The following LGSN variants were observed in gnomAD, a reference collection of about 807,000 sequenced individuals.
The protein encoded by LGSN is lengsin.
A neutral mutation model predicts 19.5 loss-of-function variants in LGSN; 21 were observed. The ratio of observed to expected loss-of-function variants is 1.07; its 90% confidence interval spans 0.76 to 1.55. LGSN has a LOEUF of 1.55. Ranked by LOEUF, LGSN falls within the 40% of genes most tolerant of loss-of-function variation. LGSN has a pLI of 0.00. For synonymous variants in LGSN, 257 were observed against 215.6 expected, an observed-to-expected ratio of 1.19 and a Z score of -1.68; for missense variants, 673 against 608.5, an observed-to-expected ratio of 1.11 and a Z score of -1.12.
At chr6:63,328,446 G>C in the LGSN span, among the ~76,000 whole-genome samples, 2 of 152,190 alleles carry the variant, frequency 1.3e-5, no homozygotes, top group Non-Finnish European at 2.9e-5. Flanking sequence ...TTGTCTGATA[G>C]CCATAAACTT....
chr6:63,520,312 AG>A, the LGSN span, among the ~76,000 whole-genome samples: 12 of 152,322 alleles, frequency 7.9e-5, no homozygotes, highest in African/African-American at 2.9e-4. Context: ...GCTAATGAAT[AG>A]GAAAAATAGT....
chr6:63,429,908 C>A, the LGSN span, among the ~76,000 whole-genome samples: 1 of 152,122 alleles, frequency 6.6e-6, no homozygotes. Context: ...CTGTTCAGGT[C>A]ATCACATCCT....
Position 63,278,431 on chromosome 6 carries a change from C to T in LGSN, c.*1590G>A, listed in dbSNP as rs1767164687. The T allele has an allele frequency of 6.6e-6, 1 of 152,000 alleles. No homozygotes were observed. Among genetic ancestry groups the T allele is most frequent in the Admixed American group, 6.6e-5 (1 of 15,234 alleles). The allele number at this position is 152,000 out of a possible 1,614,324, so 9.4% of individuals were successfully genotyped here. A position where few individuals can be genotyped will look rare whatever the true frequency, so the allele number is the denominator to read the frequency against. On this transcript the variant is annotated 3_prime_UTR_variant, in exon 4 of 4. Transcript: ENST00000370657. ...CCCTACACTATCTTTCTCTCTACCC[C>T]ATATGCATCCATGAATTTTATTCTT...
the LGSN span, among the ~76,000 whole-genome samples, chr6:63,369,903 A>G: frequency 6.6e-6 from 1 of 152,014 alleles, no homozygotes; most frequent in Non-Finnish European, 1.5e-5. Context: ...TCAGGAGGCT[A>G]AGGCATGAGA....
chr6:63,379,183 C>A, the LGSN span, among the ~76,000 whole-genome samples: 18 of 151,958 alleles, frequency 1.2e-4, no homozygotes, highest in African/African-American at 4.4e-4. Context: ...AAATGCCCCC[C>A]CCTTTTTTTT....
intron 1 of LGSN, among the ~76,000 whole-genome samples, chr6:63,317,241 G>A (rs978264142): frequency 1.3e-5 from 2 of 152,158 alleles, no homozygotes; most frequent in Admixed American, 6.5e-5. Flanking sequence ...TGTAAGCACA[G>A]TTCTAAGCAC....
At chr6:63,484,761 C>T in the LGSN span, among the ~76,000 whole-genome samples, 6 of 152,208 alleles carry the variant, frequency 3.9e-5, no homozygotes, top group Non-Finnish European at 5.9e-5. Context: ...ATTATACTGG[C>T]TCTGAGGTAA....
At chr6:63,460,618 G>A in the LGSN span, among the ~76,000 whole-genome samples, 2 of 152,174 alleles carry the variant, frequency 1.3e-5, no homozygotes, top group South Asian at 4.1e-4. Flanking sequence ...TTATTAGGAG[G>A]AATTTTCTTA....
At chr6:63,383,371 TACACACACACAC>T in the LGSN span, among the ~76,000 whole-genome samples, 9 of 139,198 alleles carry the variant, frequency 6.5e-5, no homozygotes, top group Non-Finnish European at 9.6e-5. Context: ...AACCATTACT[TACACACACACAC>T]ACACACACAC....
chr6:63,561,311 G>C, the LGSN span, among the ~76,000 whole-genome samples: 1 of 152,092 alleles, frequency 6.6e-6, no homozygotes, highest in Non-Finnish European at 1.5e-5. Context: ...TTTATGAAAG[G>C]TTTAATATAG....
In LGSN at chr6:63,303,402, G is replaced by T. The variant is rs538026021; in HGVS notation, c.31-8357C>A. Among the ~76,000 whole-genome samples, 16 of 152,210 alleles carry T rather than the reference G, an allele frequency of 1.1e-4. No individual in the cohort carries two copies. In the East Asian group the frequency reaches 3.1e-3, roughly 29 times the overall value. ...CCTAGAGAAATCTCCAACAATAAAG[G>T]TACTTGTTTCACTGGACAAGTTGTA... is the stretch of plus-strand genomic sequence containing the variant. On this transcript the variant is annotated intron_variant, in intron 1 of 3. Coordinates refer to ENST00000370657, the MANE Select transcript of LGSN (RefSeq NM_016571.3).
the LGSN span, among the ~76,000 whole-genome samples, chr6:63,458,538 A>G: frequency 1.3e-5 from 2 of 152,206 alleles, no homozygotes; most frequent in Non-Finnish European, 2.9e-5. Context: ...CTTATGTTAA[A>G]AAAAGAACTG....
At chr6:63,562,201 CTTT>C in the LGSN span, among the ~76,000 whole-genome samples, 1 of 137,310 alleles carries the variant, frequency 7.3e-6, no homozygotes, top group Admixed American at 7.3e-5. Flanking sequence ...TTTTCTTTTT[CTTT>C]TTTTTTTTTT....
chr6:63,412,521 A>AGAAGGAAG, the LGSN span, among the ~76,000 whole-genome samples: 14 of 90,352 alleles, frequency 1.5e-4, no homozygotes, highest in South Asian at 1.8e-3. Flanking sequence ...AAAGAAAGAA[A>AGAAGGAAG]GAAAGAAGGA....
chr6:63,390,549 A>T, the LGSN span, among the ~76,000 whole-genome samples: 2 of 151,788 alleles, frequency 1.3e-5, no homozygotes, highest in Non-Finnish European at 2.9e-5. Context: ...ACAGGAATTG[A>T]ATTTGTTTTA....
At chr6:63,549,609 A>G in the LGSN span, 5 of 533,372 alleles carry the variant, frequency 9.4e-6, no homozygotes, top group Admixed American at 1.6e-4. Flanking sequence ...TATATACACA[A>G]TGGAATACTA....
chr6:63,356,271 G>A, the LGSN span, among the ~76,000 whole-genome samples: 1 of 152,180 alleles, frequency 6.6e-6, no homozygotes, highest in African/African-American at 2.4e-5. Context: ...CAGGCACAGT[G>A]GCTCATGCCT....
rs1767120924 is a variant in LGSN at position 63,276,940 on chromosome 6, G to C, written c.*3081C>G. On this transcript the variant is annotated 3_prime_UTR_variant, in exon 4 of 4. Coordinates refer to ENST00000370657, the MANE Select transcript of LGSN (RefSeq NM_016571.3). ...TTGGCCCTGAACTCTGCTGGCCAAT[G>C]CCTCTTTTTGGGTTGCCTTAAAGAA... 1 of 152,172 alleles carries C rather than the reference G, an allele frequency of 6.6e-6. No individual in the cohort carries two copies. Among genetic ancestry groups the C allele is most frequent in the Admixed American group, 6.5e-5 (1 of 15,274 alleles). The allele number at this position is 152,172 out of a possible 1,614,324, so 9.4% of individuals were successfully genotyped here. A position where few individuals can be genotyped will look rare whatever the true frequency, so the allele number is the denominator to read the frequency against.
At chr6:63,326,245 C>T in the LGSN span, among the ~76,000 whole-genome samples, 1 of 151,372 alleles carries the variant, frequency 6.6e-6, no homozygotes, top group Non-Finnish European at 1.5e-5. Flanking sequence ...TTTACAATCC[C>T]TGAGCTAGAT....
Sources: gnomAD v4.1 joint callset for allele counts (sites outside exome capture counted in the v4.1 genomes callset) on GRCh38, gnomAD v4.1.1 for gene constraint, MANE v1.5 for transcripts, NCBI Gene and HGNC (gene_info 2026-07-23, HGNC 2026-07-21) for gene names.